Variants in NKAIN2 observed in about 807,000 individuals in gnomAD.
The protein encoded by NKAIN2 is sodium/potassium-transporting ATPase subunit beta-1-interacting protein 2.
A neutral mutation model predicts 32.6 loss-of-function variants in NKAIN2; 14 were observed. The ratio of observed to expected loss-of-function variants is 0.43; its 90% CI spans 0.28 to 0.67. The LOEUF is 0.67. Among genes scored for constraint, NKAIN2 ranks in the 30% least tolerant of loss-of-function variants. The pLI is 0.17. For missense variants in NKAIN2, 198 were observed against 258.3 expected, an observed-to-expected ratio of 0.77 and a Z score of 1.60; for synonymous variants, 80 against 87.2, an observed-to-expected ratio of 0.92 and a Z score of 0.46.
intron 1 of NKAIN2, among the ~76,000 whole-genome samples, chr6:123,952,443 A>G (rs1777372122): frequency 6.6e-6 from 1 of 152,192 alleles, no homozygotes; most frequent in Middle Eastern, 3.4e-3. Context: ...CTGGATTTGG[A>G]AAGTTTACAA....
intron 3 of NKAIN2, among the ~76,000 whole-genome samples, chr6:124,394,497 AGATAGATAGATT>A (rs201373458): frequency 0.018 from 2,732 of 151,712 alleles, 50 homozygotes; most frequent in Non-Finnish European, 0.026. Flanking sequence ...ATAGATAGAT[AGATAGATAGATT>A]AGATAGATAC....
chr6:124,517,598 T>C (rs757148435), intron 3 of NKAIN2, among the ~76,000 whole-genome samples: 5 of 152,104 alleles, frequency 3.3e-5, no homozygotes, highest in South Asian at 4.1e-4. Context: ...TCCTCCTCCT[T>C]CTTTTCAGTC....
chr6:124,590,043 A>G (rs1296324719), intron 3 of NKAIN2, among the ~76,000 whole-genome samples: 1 of 152,124 alleles, frequency 6.6e-6, no homozygotes, highest in Non-Finnish European at 1.5e-5. Context: ...TTTCACCCAC[A>G]TCACTTCCAG....
chr6:124,389,985 T>C (rs543942327), intron 3 of NKAIN2, among the ~76,000 whole-genome samples: 40 of 152,212 alleles, frequency 2.6e-4, no homozygotes, highest in African/African-American at 8.9e-4. Flanking sequence ...AGTCCCCATC[T>C]TTTATCCTGA....
At chr6:124,190,921 A>G (rs944949218) in intron 1 of NKAIN2, among the ~76,000 whole-genome samples, 1 of 152,108 alleles carries the variant, frequency 6.6e-6, no homozygotes, top group African/African-American at 2.4e-5. Flanking sequence ...GAGATTTCCC[A>G]TATACTCTTT....
chr6:124,595,847 C>A (rs2114970147), intron 3 of NKAIN2, among the ~76,000 whole-genome samples: 1 of 152,280 alleles, frequency 6.6e-6, no homozygotes, highest in South Asian at 2.1e-4. Flanking sequence ...GAGCTAATTA[C>A]ACATAAGGTC....
intron 1 of NKAIN2, among the ~76,000 whole-genome samples, chr6:124,079,226 G>A (rs1375285373): frequency 1.3e-5 from 2 of 152,254 alleles, no homozygotes; most frequent in East Asian, 3.9e-4. Flanking sequence ...GCTGAGGCAT[G>A]AGAATTGCTT....
intron 1 of NKAIN2, among the ~76,000 whole-genome samples, chr6:124,117,303 A>T (rs1785662142): frequency 6.6e-6 from 1 of 152,208 alleles, no homozygotes; most frequent in South Asian, 2.1e-4. Context: ...TCTAAGCAAA[A>T]GGTAAAGCCA....
At chr6:124,630,057 G>A (rs1231191641) in intron 3 of NKAIN2, among the ~76,000 whole-genome samples, 1 of 152,130 alleles carries the variant, frequency 6.6e-6, no homozygotes, top group African/African-American at 2.4e-5. Flanking sequence ...TATTACATAG[G>A]TACTGCAATT....
chr6:124,710,315 G>T (rs1775375056), intron 4 of NKAIN2, among the ~76,000 whole-genome samples: 1 of 152,078 alleles, frequency 6.6e-6, no homozygotes, highest in African/African-American at 2.4e-5. Flanking sequence ...TGTTGATTTG[G>T]GGTGGAGAGT....
rs1425277751 is a variant in NKAIN2, at chr6:123,884,763, C to G, written c.54+80509C>G. ...CATGATACTAGATAAAACTTTCATT[C>G]AACATGCTGAGATGACCAAGTCTGT... On this transcript the variant is annotated intron_variant, in intron 1 of 6. Coordinates refer to ENST00000368417, the MANE Select transcript of NKAIN2 (RefSeq NM_001040214.3). 2.6e-5 allele frequency among the ~76,000 whole-genome samples: 4 copies of G among 151,980 alleles called. No homozygotes were observed. The East Asian group carries it at 7.7e-4, about 29-fold the overall frequency.
At chr6:123,958,435 C>G (rs1164481360) in intron 1 of NKAIN2, among the ~76,000 whole-genome samples, 1 of 152,184 alleles carries the variant, frequency 6.6e-6, no homozygotes, top group Non-Finnish European at 1.5e-5. Flanking sequence ...CCACCAGTGC[C>G]TTCATGGAGT....
intron 3 of NKAIN2, among the ~76,000 whole-genome samples, chr6:124,535,965 G>C (rs1426766010): frequency 6.6e-6 from 1 of 152,180 alleles, no homozygotes; most frequent in Admixed American, 6.5e-5. Context: ...TAAGGTATGG[G>C]ATGCCGATGA....
At chr6:124,211,895 A>T (rs753478890) in intron 1 of NKAIN2, among the ~76,000 whole-genome samples, 3 of 152,084 alleles carry the variant, frequency 2.0e-5, no homozygotes, top group Non-Finnish European at 4.4e-5. Context: ...GATTGGATAT[A>T]TTCACTTTTC....
intron 1 of NKAIN2, among the ~76,000 whole-genome samples, chr6:124,130,323 C>T (rs1372489132): frequency 6.6e-6 from 1 of 152,176 alleles, no homozygotes; most frequent in Non-Finnish European, 1.5e-5. Flanking sequence ...ATCTGAAACA[C>T]AGTGGCCTTA....
intron 3 of NKAIN2, among the ~76,000 whole-genome samples, chr6:124,425,586 A>T (rs555623939): frequency 6.6e-6 from 1 of 152,150 alleles, no homozygotes; most frequent in African/African-American, 2.4e-5. Context: ...TGAGGAATTT[A>T]TACAACACAG....
At chr6:124,359,781 T>G (rs1324400048) in intron 3 of NKAIN2, among the ~76,000 whole-genome samples, 1 of 152,168 alleles carries the variant, frequency 6.6e-6, no homozygotes, top group Admixed American at 6.5e-5. Flanking sequence ...TCCTGCCTGA[T>G]TGCTCTGGCC....
intron 3 of NKAIN2, among the ~76,000 whole-genome samples, chr6:124,487,381 A>G (rs1777693501): frequency 6.6e-6 from 1 of 152,186 alleles, no homozygotes; most frequent in East Asian, 1.9e-4. Flanking sequence ...GTCGCTTTAT[A>G]GAAAATTTCT....
intron 1 of NKAIN2, among the ~76,000 whole-genome samples, chr6:124,110,758 G>T (rs1785347958): frequency 6.6e-6 from 1 of 151,986 alleles, no homozygotes; most frequent in African/African-American, 2.4e-5. Context: ...AATATTCCAT[G>T]GTGTTTATGT....
Sources: gnomAD v4.1 joint callset for allele counts (sites outside exome capture counted in the v4.1 genomes callset) on GRCh38, gnomAD v4.1.1 for gene constraint, MANE v1.5 for transcripts, NCBI Gene and HGNC (gene_info 2026-07-23, HGNC 2026-07-21) for gene names.